Variants in LRMDA observed in about 807,000 individuals in gnomAD.
The protein encoded by LRMDA is leucine rich melanocyte differentiation associated, also known as leucine-rich melanocyte differentiation-associated protein.
LRMDA carries 18 observed loss-of-function variants against 29.8 expected under a neutral mutation model. The ratio of observed to expected loss-of-function variants is 0.60; its 90% confidence interval spans 0.42 to 0.90. The LOEUF (loss-of-function observed/expected upper bound fraction) is 0.90, where lower values mean the gene tolerates loss of function less well. LRMDA is among the 40% of genes least tolerant of loss of function. The pLI, the probability that LRMDA is intolerant of heterozygous loss-of-function variation, is 0.00. For missense variants in LRMDA, 273 were observed against 273.9 expected (o/e 1.00, Z 0.02); for synonymous variants, 125 against 109.4 (o/e 1.14, Z -0.89).
intron 2 of LRMDA, among the ~76,000 whole-genome samples, chr10:75,548,972 G>A (rs1351447604): frequency 6.6e-6 from 1 of 152,036 alleles, no homozygotes. Context: ...CTTGGATAAT[G>A]GTACAGTTGG....
At chr10:76,244,906 A>C (rs960655035) in intron 5 of LRMDA, among the ~76,000 whole-genome samples, 1 of 152,308 alleles carries the variant, frequency 6.6e-6, no homozygotes, top group South Asian at 2.1e-4. Context: ...ACTGGTCAAG[A>C]GCTAGCAGAG....
In LRMDA at chr10:76,265,276, G is replaced by A. The variant is rs557865121; in HGVS notation, c.517-59125G>A. Among the ~76,000 whole-genome samples the A allele has an allele frequency of 3.3e-5, 5 of 152,232 alleles. No individual in the cohort carries two copies. The South Asian group carries it at 8.3e-4, about 25-fold the overall frequency. On this transcript the variant is annotated intron_variant, in intron 5 of 6. Transcript: ENST00000611255. Reference sequence around the variant, plus strand: ...ATTTCCAAAAGAAGGGTTGAATAACGGTTTGGAGTTCTTTCTTTGAGGGCA... The same window carrying A: ...ATTTCCAAAAGAAGGGTTGAATAACAGTTTGGAGTTCTTTCTTTGAGGGCA...
intron 5 of LRMDA, among the ~76,000 whole-genome samples, chr10:76,175,220 A>G (rs926901442): frequency 1.4e-4 from 22 of 152,180 alleles, no homozygotes; most frequent in African/African-American, 5.3e-4. Flanking sequence ...GTGGTAGTTC[A>G]TTTTGTTGAG....
intron 2 of LRMDA, among the ~76,000 whole-genome samples, chr10:75,484,492 G>T (rs1175337868): frequency 6.6e-6 from 1 of 152,066 alleles, no homozygotes; most frequent in Non-Finnish European, 1.5e-5. Context: ...AGAGCAATTG[G>T]CAGGAGTTTT....
chr10:76,544,406 C>T (rs1453919625), intron 6 of LRMDA, among the ~76,000 whole-genome samples: 1 of 152,108 alleles, frequency 6.6e-6, no homozygotes, highest in African/African-American at 2.4e-5. Context: ...CAGATAACAC[C>T]TGGTACCACC....
intron 2 of LRMDA, among the ~76,000 whole-genome samples, chr10:75,948,880 C>A (rs1205695606): frequency 6.6e-6 from 1 of 151,896 alleles, no homozygotes; most frequent in Admixed American, 6.6e-5. Flanking sequence ...TTAGCTTTGA[C>A]AGGAAGATAA....
At chr10:75,655,966 C>T (rs1841669490) in intron 2 of LRMDA, among the ~76,000 whole-genome samples, 1 of 152,178 alleles carries the variant, frequency 6.6e-6, no homozygotes, top group African/African-American at 2.4e-5. Context: ...GAGCTCCCCT[C>T]ATGTGACCCA....
intron 3 of LRMDA, among the ~76,000 whole-genome samples, chr10:76,045,567 G>T (rs1848425096): frequency 6.6e-6 from 1 of 151,976 alleles, no homozygotes; most frequent in Non-Finnish European, 1.5e-5. Flanking sequence ...TATAGCATTT[G>T]GCCTTGCATA....
chr10:75,728,942 C>T (rs1052972278), intron 2 of LRMDA, among the ~76,000 whole-genome samples: 2 of 152,276 alleles, frequency 1.3e-5, no homozygotes, highest in Non-Finnish European at 2.9e-5. Context: ...GTCCTGCCCA[C>T]CTTCTCTCCT....
intron 2 of LRMDA, among the ~76,000 whole-genome samples, chr10:75,489,472 A>G (rs1190949102): frequency 1.3e-5 from 2 of 152,196 alleles, no homozygotes; most frequent in Admixed American, 1.3e-4. Context: ...TTGGATTTCA[A>G]CTTGTTTATT....
chr10:75,452,575 CTTT>C (rs10636455), intron 2 of LRMDA, among the ~76,000 whole-genome samples: 2 of 117,328 alleles, frequency 1.7e-5, no homozygotes, highest in Non-Finnish European at 3.4e-5. Flanking sequence ...CAGGATATGA[CTTT>C]TTTTTTTTTT....
At chr10:76,191,268 C>T (rs191048193) in intron 5 of LRMDA, among the ~76,000 whole-genome samples, 347 of 152,324 alleles carry the variant, frequency 2.3e-3, no homozygotes, top group Non-Finnish European at 3.4e-3. Flanking sequence ...CACTATGTCT[C>T]TTTCTATTTA....
At chr10:75,459,583 C>G (rs539571367) in intron 2 of LRMDA, among the ~76,000 whole-genome samples, 1 of 152,252 alleles carries the variant, frequency 6.6e-6, no homozygotes, top group South Asian at 2.1e-4. Flanking sequence ...TTATAGAAAG[C>G]CCATTATGGA....
intron 6 of LRMDA, among the ~76,000 whole-genome samples, chr10:76,337,557 A>G (rs1490617806): frequency 2.0e-5 from 3 of 152,172 alleles, no homozygotes; most frequent in Non-Finnish European, 2.9e-5. Flanking sequence ...GCATACATGA[A>G]GCACAACCAA....
intron 2 of LRMDA, among the ~76,000 whole-genome samples, chr10:76,022,805 G>A (rs1185170749): frequency 1.3e-5 from 2 of 152,068 alleles, no homozygotes; most frequent in Non-Finnish European, 2.9e-5. Context: ...AATGAATGAA[G>A]GATCCAGTCT....
chr10:75,641,406 T>C, intron 2 of LRMDA, among the ~76,000 whole-genome samples: 1 of 92,814 alleles, frequency 1.1e-5, no homozygotes, highest in East Asian at 4.3e-4. Context: ...TATGTTAATA[T>C]ATAATATATA....
intron 6 of LRMDA, among the ~76,000 whole-genome samples, chr10:76,357,369 A>G (rs1162485661): frequency 6.6e-6 from 1 of 152,212 alleles, no homozygotes; most frequent in African/African-American, 2.4e-5. Context: ...CACGGAGTTC[A>G]GGTTGGCAGC....
intron 2 of LRMDA, among the ~76,000 whole-genome samples, chr10:75,878,547 T>A (rs1023147256): frequency 6.6e-6 from 1 of 152,076 alleles, no homozygotes; most frequent in African/African-American, 2.4e-5. Context: ...TCTTGATGTC[T>A]AGCTGATTGT....
chr10:75,479,177 T>C (rs769372250), intron 2 of LRMDA, among the ~76,000 whole-genome samples: 7 of 151,976 alleles, frequency 4.6e-5, no homozygotes, highest in Non-Finnish European at 1.0e-4. Context: ...AGGTGACGCT[T>C]AGGGAAAGCT....
Sources: allele counts gnomAD v4.1 joint callset (sites outside exome capture counted in the v4.1 genomes callset), GRCh38; gene constraint gnomAD v4.1.1; transcripts MANE v1.5; gene names NCBI Gene and HGNC (gene_info 2026-07-23, HGNC 2026-07-21).